ZNF430: variants seen among roughly 807,000 people sequenced by gnomAD.
ZNF430 encodes the protein zinc finger protein 430.
Under a neutral mutation model 56.7 loss-of-function variants are expected in ZNF430, and 35 were observed. That is an observed-to-expected ratio of 0.62 (90% confidence interval 0.47 to 0.82). The LOEUF (loss-of-function observed/expected upper bound fraction) is 0.82. ZNF430 is among the 40% of genes least tolerant of loss of function. ZNF430 has a pLI of 0.00. For missense variants in ZNF430, 574 were observed against 661.0 expected, an observed-to-expected ratio of 0.87 and a Z score of 1.44; for synonymous variants, 212 against 224.3, an observed-to-expected ratio of 0.94 and a Z score of 0.49.
intron 2 of ZNF430, among the ~76,000 whole-genome samples, chr19:21,025,510 C>G (rs192923310): frequency 6.6e-6 from 1 of 152,230 alleles, no homozygotes; most frequent in East Asian, 1.9e-4. Flanking sequence ...GGAGTGCAGC[C>G]CCATAGGTCT....
intron 2 of ZNF430, among the ~76,000 whole-genome samples, chr19:21,028,384 A>G (rs1052578885): frequency 6.6e-6 from 1 of 152,190 alleles, no homozygotes; most frequent in African/African-American, 2.4e-5. Flanking sequence ...AAAATGTGAT[A>G]CTGGAGTAGA....
At chr19:21,031,607 CTTCT>C (rs1446055644) in intron 2 of ZNF430, among the ~76,000 whole-genome samples, 1 of 152,128 alleles carries the variant, frequency 6.6e-6, no homozygotes, top group Non-Finnish European at 1.5e-5. Flanking sequence ...CAGGACCTTC[CTTCT>C]GTTTGTGTGC....
chr19:21,042,801 T>A (rs1040309148), intron 4 of ZNF430, among the ~76,000 whole-genome samples: 10 of 151,512 alleles, frequency 6.6e-5, no homozygotes, highest in Admixed American at 1.3e-4. Flanking sequence ...AAAAAAAAAA[T>A]TTAGAAAAAA....
At chr19:21,023,485 A>G (rs1371316862) in intron 2 of ZNF430, among the ~76,000 whole-genome samples, 1 of 152,172 alleles carries the variant, frequency 6.6e-6, no homozygotes, top group African/African-American at 2.4e-5. Flanking sequence ...AATATATTCC[A>G]TTCATTAAAA....
rs190607555 is a variant in ZNF430 at position 21,041,374 on chromosome 19, T to C, written c.322+7190T>C. 3.7e-4 allele frequency among the ~76,000 whole-genome samples: 56 copies of C among 152,320 alleles called. 1 individual carries two copies. The highest frequency in any genetic ancestry group is 1.2e-3 in the African/African-American group (49 of 41,592). On this transcript the variant is annotated intron_variant, in intron 4 of 4. Transcript: ENST00000261560. ...GTCTCAGACTCCTGAGTTAAAGTAA[T>C]CAGCCCCTCTGGGCCTCCCAAAGTC...
chr19:21,037,785 G>A (rs1395748816), intron 4 of ZNF430, among the ~76,000 whole-genome samples: 1 of 152,010 alleles, frequency 6.6e-6, no homozygotes, highest in Non-Finnish European at 1.5e-5. Context: ...GGTATGACAT[G>A]ATTTCATTTT....
chr19:21,033,754 A>G (rs1967944502), intron 3 of ZNF430, 172 bp downstream of exon 3: 2 of 793,790 alleles, frequency 2.5e-6, no homozygotes, highest in Non-Finnish European at 3.7e-6. Context: ...AAGAAGTTTT[A>G]TCTTGACTTA....
At chr19:21,051,824 A>T (rs1412578122) in intron 4 of ZNF430, among the ~76,000 whole-genome samples, 1 of 152,198 alleles carries the variant, frequency 6.6e-6, no homozygotes, top group East Asian at 1.9e-4. Flanking sequence ...ACTCATACCA[A>T]ATTGTTTTTA....
At chr19:21,024,881 G>C (rs539394403) in intron 2 of ZNF430, among the ~76,000 whole-genome samples, 1 of 152,148 alleles carries the variant, frequency 6.6e-6, no homozygotes, top group Non-Finnish European at 1.5e-5. Context: ...ATGTTCTTAG[G>C]AGGGACATAA....
At position 21,033,593 on chromosome 19, in the gene ZNF430, C is replaced by T; in HGVS notation, c.223+11C>T. 5 of 1,599,378 alleles carry T rather than the reference C, an allele frequency of 3.1e-6. No homozygotes were observed. The highest frequency in any genetic ancestry group is 4.3e-6 in the Non-Finnish European group (5 of 1,174,432). On this transcript the variant is annotated intron_variant, in intron 3 of 4. Transcript: ENST00000261560. ...ACCTGGTCTTCTTGGGTGAGAATAACTTTAGTACACAATTACTAGTATACC... is the reference window on the plus strand; with the variant it reads ...ACCTGGTCTTCTTGGGTGAGAATAATTTTAGTACACAATTACTAGTATACC...
chr19:21,021,823 ATTTT>A (rs71174785), intron 1 of ZNF430, among the ~76,000 whole-genome samples: 29 of 85,696 alleles, frequency 3.4e-4, no homozygotes, highest in African/African-American at 1.4e-3. Context: ...CCTGAGTTAG[ATTTT>A]TTTTTTTTTT....
chr19:21,038,976 G>A (rs1968052363), intron 4 of ZNF430, among the ~76,000 whole-genome samples: 1 of 152,108 alleles, frequency 6.6e-6, no homozygotes, highest in Non-Finnish European at 1.5e-5. Flanking sequence ...TCGAGACAGA[G>A]TCTCTCTCTG....
chr19:21,025,590 C>CTTTTTTTTTTTTTTTTTTTT (rs952807682), intron 2 of ZNF430, among the ~76,000 whole-genome samples: 10 of 147,518 alleles, frequency 6.8e-5, no homozygotes, highest in Non-Finnish European at 1.1e-4. Flanking sequence ...GACATTTCTC[C>CTTTTTTTTTTTTTTTTTTTT]TTTTTTTTTT....
At chr19:21,033,745 AG>A in intron 3 of ZNF430, 163 bp downstream of exon 3, 1 of 867,854 alleles carries the variant, frequency 1.2e-6, no homozygotes, top group African/African-American at 1.7e-5. Context: ...AATTTTTTCA[AG>A]AAGTTTTATC....
intron 4 of ZNF430, among the ~76,000 whole-genome samples, chr19:21,045,816 G>A (rs1352730100): frequency 6.6e-6 from 1 of 152,030 alleles, no homozygotes; most frequent in African/African-American, 2.4e-5. Context: ...ATCTTTGTTG[G>A]TTTAAAGTCT....
chr19:21,028,255 C>T (rs932662656), intron 2 of ZNF430, among the ~76,000 whole-genome samples: 1 of 152,106 alleles, frequency 6.6e-6, no homozygotes, highest in Non-Finnish European at 1.5e-5. Flanking sequence ...AGTGATTTGC[C>T]ACAGTTATGT....
At chr19:21,025,096 GTC>G (rs1252843177) in intron 2 of ZNF430, among the ~76,000 whole-genome samples, 12 of 152,158 alleles carry the variant, frequency 7.9e-5, no homozygotes, top group Non-Finnish European at 1.5e-4. Context: ...TTCAGGGTGA[GTC>G]TACAGAGTAA....
intron 2 of ZNF430, among the ~76,000 whole-genome samples, chr19:21,024,548 G>T (rs1599487933): frequency 6.6e-6 from 1 of 152,148 alleles, no homozygotes. Context: ...GGGAGGCCGA[G>T]GCAGGCGGAT....
intron 4 of ZNF430, chr19:21,035,357 C>A (rs7253530): frequency 0.81 from 123,295 of 152,106 alleles, 52,237 homozygotes; most frequent in Middle Eastern, 0.93. Context: ...ACAATAACTT[C>A]ATACTTGTGT....
Sources: gnomAD v4.1 joint callset for allele counts (sites outside exome capture counted in the v4.1 genomes callset) on GRCh38, gnomAD v4.1.1 for gene constraint, MANE v1.5 for transcripts, NCBI Gene and HGNC (gene_info 2026-07-23, HGNC 2026-07-21) for gene names.